Variants in PSPH observed in about 807,000 individuals in gnomAD.
The protein encoded by PSPH is L-3-phosphoserine phosphatase.
PSPH carries 16 observed loss-of-function variants against 23.4 expected under a neutral mutation model. The ratio of observed to expected loss-of-function variants is 0.68; its 90% CI spans 0.46 to 1.04. PSPH has a LOEUF of 1.04. PSPH is among the 50% of genes least tolerant of loss of function. The pLI is 0.00. For missense variants in PSPH, 223 were observed against 273.7 expected (o/e 0.81, Z 1.31); for synonymous variants, 68 against 99.7 (o/e 0.68, Z 1.89).
intron 5 of PSPH, among the ~76,000 whole-genome samples, chr7:56,019,270 C>G (rs1342819179): frequency 6.6e-6 from 1 of 151,850 alleles, no homozygotes; most frequent in Non-Finnish European, 1.5e-5. Flanking sequence ...CGAAACCCAT[C>G]TCTACTAAAA....
At chr7:56,034,585 G>A (rs1791474852) in intron 1 of PSPH, among the ~76,000 whole-genome samples, 1 of 151,966 alleles carries the variant, frequency 6.6e-6, no homozygotes, top group Non-Finnish European at 1.5e-5. Flanking sequence ...GCACGATCTC[G>A]GCTCACTGCA....
intron 1 of PSPH, among the ~76,000 whole-genome samples, chr7:56,044,179 T>C (rs1584508203): frequency 6.6e-6 from 1 of 152,100 alleles, no homozygotes; most frequent in African/African-American, 2.4e-5. Context: ...TGACCTCAGG[T>C]GGTCTGTCCA....
chr7:56,021,547 T>C (rs1278742635), intron 3 of PSPH, among the ~76,000 whole-genome samples: 1 of 151,674 alleles, frequency 6.6e-6, no homozygotes, highest in Non-Finnish European at 1.5e-5. Context: ...GCCTCCTGAG[T>C]AGCTCAAATA....
In PSPH at chr7:56,051,444, T is replaced by A. The variant is rs1242726353; in HGVS notation, c.-598A>T. 1 of 238,922 alleles carries A rather than the reference T, an allele frequency of 4.2e-6. No individual in the cohort carries two copies. Among genetic ancestry groups the A allele is most frequent in the African/African-American group, 2.4e-5 (1 of 42,138 alleles). 14.8% of individuals were successfully genotyped at this position (238,922 alleles called of 1,614,324 possible). ...GAGCACACGGTCCGGGAAGCTCCAA[T>A]GAAACGGAACAAACCGCGAGATCAG... On this transcript the variant is annotated 5_prime_UTR_variant, in exon 1 of 8. Transcript: ENST00000275605.
At chr7:56,018,298 T>G (rs1788851903) in intron 5 of PSPH, among the ~76,000 whole-genome samples, 1 of 151,910 alleles carries the variant, frequency 6.6e-6, no homozygotes, top group South Asian at 2.1e-4. Flanking sequence ...GAGCCGAGAC[T>G]GCACCACTGC....
intron 1 of PSPH, among the ~76,000 whole-genome samples, chr7:56,044,939 G>A (rs1399946687): frequency 6.6e-6 from 1 of 151,914 alleles, no homozygotes; most frequent in African/African-American, 2.4e-5. Context: ...GGGCATGCTG[G>A]TGCATGCCTG....
At chr7:56,017,098 G>A (rs1277204910) in intron 6 of PSPH, 136 bp downstream of exon 6, 4 of 1,467,586 alleles carry the variant, frequency 2.7e-6, no homozygotes, top group Non-Finnish European at 3.7e-6. Flanking sequence ...AAGGGCAAAA[G>A]ACATCAATTA....
chr7:56,031,770 C>A (rs186987676), intron 3 of PSPH, among the ~76,000 whole-genome samples, 159 bp downstream of exon 3: 2 of 152,054 alleles, frequency 1.3e-5, no homozygotes, highest in African/African-American at 2.4e-5. Context: ...GCCAAGATTG[C>A]GCCACTGCAC....
rs1377544527 is a variant in PSPH at position 56,011,820 on chromosome 7, T to C, written c.620A>G (p.Asp207Gly). ...ATCAGTGATATACCATTTGGCGTTA[T>C]CCTTGACTTGTTGCCTGATCACATT... is the stretch of plus-strand genomic sequence containing the variant. Reference protein sequence around the residue: ...GGNVIRQQVKDNAKWYITDFV... With the variant: ...GGNVIRQQVKGNAKWYITDFV... The change falls in exon 8 of 8, where the codon GAT becomes GGT. Residue 207 changes from aspartate (D) to glycine (G), a missense_variant. By Grantham distance (94) the Asp-to-Gly change is moderately conservative. Transcript: ENST00000275605. The C allele has an allele frequency of 1.9e-6, 3 of 1,613,528 alleles. No individual in the cohort carries two copies. The African/African-American group carries it at 4.0e-5, about 22-fold the overall frequency.
chr7:56,038,059 A>G (rs915619549), intron 1 of PSPH, among the ~76,000 whole-genome samples: 2 of 151,742 alleles, frequency 1.3e-5, no homozygotes, highest in African/African-American at 4.8e-5. Flanking sequence ...TACTCTTTTT[A>G]TAAGTCATTC....
At chr7:56,024,851 T>C (rs992563179) in intron 3 of PSPH, among the ~76,000 whole-genome samples, 2 of 147,642 alleles carry the variant, frequency 1.4e-5, no homozygotes, top group Non-Finnish European at 3.0e-5. Context: ...TCACCCAGGC[T>C]GGAGTGCAGT....
intron 5 of PSPH, among the ~76,000 whole-genome samples, chr7:56,018,542 T>G (rs1313993714): frequency 6.6e-6 from 1 of 151,998 alleles, no homozygotes; most frequent in Non-Finnish European, 1.5e-5. Flanking sequence ...CACGTGTAAG[T>G]GCCAAAAGCA....
At chr7:56,039,959 C>T (rs550582460) in intron 1 of PSPH, among the ~76,000 whole-genome samples, 52 of 151,678 alleles carry the variant, frequency 3.4e-4, no homozygotes, top group South Asian at 1.0e-3. Flanking sequence ...ATTAGCTGGG[C>T]GTGGTGGCGG....
intron 4 of PSPH, among the ~76,000 whole-genome samples, chr7:56,020,591 C>T (rs1035293160): frequency 2.0e-5 from 3 of 151,336 alleles, no homozygotes; most frequent in Admixed American, 2.0e-4. Flanking sequence ...GGTCACTGCA[C>T]TCCAGCCTGG....
intron 1 of PSPH, among the ~76,000 whole-genome samples, chr7:56,042,138 G>A (rs902278284): frequency 6.7e-6 from 1 of 149,626 alleles, no homozygotes; most frequent in Non-Finnish European, 1.5e-5. Context: ...CAGGAGAATC[G>A]CTTGAATCCG....
At chr7:56,050,982 G>C (rs1429469026) in intron 1 of PSPH, among the ~76,000 whole-genome samples, 156 bp downstream of exon 1, 2 of 152,092 alleles carry the variant, frequency 1.3e-5, no homozygotes, top group African/African-American at 4.8e-5. Flanking sequence ...AGTATCACTT[G>C]AGCTCAGGAG....
At chr7:56,028,969 C>T (rs1024961754) in intron 3 of PSPH, among the ~76,000 whole-genome samples, 10 of 152,016 alleles carry the variant, frequency 6.6e-5, no homozygotes, top group African/African-American at 2.4e-4. Context: ...CCTGCCACCA[C>T]GCCTGGCTAA....
At chr7:56,030,105 T>C (rs138274301) in intron 3 of PSPH, among the ~76,000 whole-genome samples, 85 of 151,986 alleles carry the variant, frequency 5.6e-4, no homozygotes, top group East Asian at 1.4e-3. Flanking sequence ...ACTTACACTA[T>C]ATTTTATTTT....
Position 56,051,135 on chromosome 7 carries a change from T to C in PSPH, c.-292+3A>G, listed in dbSNP as rs568357814. 1 of 152,346 alleles carries C rather than the reference T, an allele frequency of 6.6e-6. No homozygotes were observed. The highest frequency in any genetic ancestry group is 2.1e-4 in the South Asian group (1 of 4,830). 9.4% of individuals were successfully genotyped at this position (152,346 alleles called of 1,614,324 possible). ...ACAATTGTGGAGCTCTTTGGAAATT[T>C]ACCTTAAAAGGGAGTCCGCTCAAAG... On this transcript the variant is annotated splice_donor_region_variant and intron_variant, in intron 1 of 7. Transcript: ENST00000275605.
Sources: allele counts gnomAD v4.1 joint callset (sites outside exome capture counted in the v4.1 genomes callset), GRCh38; gene constraint gnomAD v4.1.1; transcripts MANE v1.5; gene names NCBI Gene and HGNC (gene_info 2026-07-23, HGNC 2026-07-21).